HEG1: variants seen among roughly 807,000 people sequenced by gnomAD.
HEG1 encodes protein HEG homolog 1.
Under a neutral mutation model 125.6 loss-of-function variants are expected in HEG1, and 56 were observed. The ratio of observed to expected loss-of-function variants is 0.45; its 90% CI spans 0.36 to 0.56. The LOEUF is 0.56. HEG1 is among the 20% of genes least tolerant of loss of function. HEG1 has a pLI of 0.00. For synonymous variants in HEG1, 644 were observed against 668.5 expected (o/e 0.96, Z 0.57); for missense variants, 1,523 against 1,670.0 (o/e 0.91, Z 1.53).
chr3:125,005,819 A>C (rs1198913601), intron 8 of HEG1, among the ~76,000 whole-genome samples: 1 of 152,212 alleles, frequency 6.6e-6, no homozygotes. Context: ...GACAGAGGAA[A>C]GCTCTCGTCC....
intron 14 of HEG1, among the ~76,000 whole-genome samples, chr3:124,988,229 T>C (rs889027832): frequency 6.6e-6 from 1 of 151,804 alleles, no homozygotes; most frequent in African/African-American, 2.4e-5. Context: ...CTTTAAGGCA[T>C]AGATATCCTC....
rs77474845 is a variant in HEG1, at chr3:125,039,467, C to A, written c.317-9979G>T. On this transcript the variant is annotated intron_variant, in intron 1 of 16. Coordinates refer to ENST00000311127, the MANE Select transcript of HEG1 (RefSeq NM_020733.2). ...TCCTGGAGGGTCCACCCCACCCCCACACCTCAGCCTCAACCCCCGCAGCGG... is the reference window on the plus strand; with the variant it reads ...TCCTGGAGGGTCCACCCCACCCCCAAACCTCAGCCTCAACCCCCGCAGCGG... Among the ~76,000 whole-genome samples the A allele has an allele frequency of 3.2e-3, 480 of 152,208 alleles. 2 individuals are homozygous for A. Among genetic ancestry groups the A allele is most frequent in the African/African-American group, 0.011 (446 of 41,514 alleles).
intron 1 of HEG1, among the ~76,000 whole-genome samples, chr3:125,048,621 C>T (rs1366049603): frequency 6.6e-6 from 1 of 152,222 alleles, no homozygotes; most frequent in Non-Finnish European, 1.5e-5. Flanking sequence ...CAGTCAGATC[C>T]TGCAGGCCTC....
chr3:124,982,019 C>T (rs1169401317), intron 14 of HEG1, among the ~76,000 whole-genome samples: 2 of 152,100 alleles, frequency 1.3e-5, no homozygotes, highest in Non-Finnish European at 2.9e-5. Flanking sequence ...TCTCCTTCCT[C>T]AGCCAGCTGA....
intron 5 of HEG1, among the ~76,000 whole-genome samples, chr3:125,014,401 T>C (rs1937210283): frequency 1.3e-5 from 2 of 152,204 alleles, no homozygotes; most frequent in Non-Finnish European, 2.9e-5. Flanking sequence ...TCTTCCCAAC[T>C]TTCCATTCTA....
intron 1 of HEG1, among the ~76,000 whole-genome samples, chr3:125,054,380 G>T (rs1937880254): frequency 6.6e-6 from 1 of 152,178 alleles, no homozygotes; most frequent in African/African-American, 2.4e-5. Flanking sequence ...GAATACTGTT[G>T]AATATGAAAT....
At chr3:125,045,422 A>G (rs568621912) in intron 1 of HEG1, among the ~76,000 whole-genome samples, 5 of 152,262 alleles carry the variant, frequency 3.3e-5, no homozygotes, top group Non-Finnish European at 4.4e-5. Context: ...TTCTCTCGCA[A>G]TCCTAGGTCT....
chr3:125,054,617 C>G (rs967510444), intron 1 of HEG1, among the ~76,000 whole-genome samples: 2 of 152,184 alleles, frequency 1.3e-5, no homozygotes, highest in Non-Finnish European at 2.9e-5. Context: ...TTGAATAGCC[C>G]GGACAGAGCA....
intron 14 of HEG1, among the ~76,000 whole-genome samples, chr3:124,984,284 T>C (rs1340477677): frequency 6.6e-6 from 1 of 152,092 alleles, no homozygotes; most frequent in African/African-American, 2.4e-5. Context: ...CTGGCTACAC[T>C]GGGAGGCTGT....
intron 5 of HEG1, among the ~76,000 whole-genome samples, 185 bp from the exon 6 acceptor site, chr3:125,014,175 G>T (rs1937207599): frequency 6.6e-6 from 1 of 152,168 alleles, no homozygotes; most frequent in African/African-American, 2.4e-5. Flanking sequence ...GGCAGGAGTG[G>T]TCAGTGTCTC....
chr3:125,015,001 T>C (rs1408710189), intron 5 of HEG1: 9 of 1,248,232 alleles, frequency 7.2e-6, no homozygotes, highest in South Asian at 2.7e-5. Context: ...GGCTCTCGGC[T>C]GTCTTCCAAG....
chr3:124,979,081 C>G (rs1280255212), intron 14 of HEG1, among the ~76,000 whole-genome samples: 1 of 151,924 alleles, frequency 6.6e-6, no homozygotes, highest in Non-Finnish European at 1.5e-5. Context: ...TCCTGAGTAG[C>G]TGGGATTACA....
Position 124,998,131 on chromosome 3 carries a change from G to A in HEG1, c.3518-308C>T, listed in dbSNP as rs760831020. On this transcript the variant is annotated intron_variant, in intron 11 of 16. Transcript: ENST00000311127. ...TAAACAGGCCCTGTTCACTCCTCTG[G>A]TGCTCACTGCAAATACAGCCCTTAA... is the stretch of plus-strand genomic sequence containing the variant. Among the ~76,000 whole-genome samples, 101 of 152,112 alleles carry A rather than the reference G, an allele frequency of 6.6e-4. 1 individual carries two copies. The highest frequency in any genetic ancestry group is 1.3e-3 in the Admixed American group (20 of 15,274).
intron 8 of HEG1, among the ~76,000 whole-genome samples, chr3:125,006,539 A>T (rs755559519): frequency 8.5e-5 from 13 of 152,256 alleles, no homozygotes; most frequent in Admixed American, 3.3e-4. Flanking sequence ...CAGGGAAAAC[A>T]TTTAACATCT....
intron 14 of HEG1, 57 bp downstream of exon 14, chr3:124,990,730 A>C: frequency 6.7e-7 from 1 of 1,500,236 alleles, no homozygotes; most frequent in Non-Finnish European, 9.1e-7. Flanking sequence ...ACACCTGTGC[A>C]CTAACAACAG....
intron 14 of HEG1, among the ~76,000 whole-genome samples, chr3:124,988,538 GT>G (rs1425155491): frequency 6.6e-6 from 1 of 152,158 alleles, no homozygotes; most frequent in Non-Finnish European, 1.5e-5. Flanking sequence ...TGCTCACATG[GT>G]TCTATGGCCC....
chr3:124,997,250 T>C (rs899105761), intron 12 of HEG1, among the ~76,000 whole-genome samples: 1 of 152,172 alleles, frequency 6.6e-6, no homozygotes, highest in African/African-American at 2.4e-5. Flanking sequence ...TTGCCCAAGG[T>C]GATACATGAT....
At chr3:125,046,852 C>A (rs1268609885) in intron 1 of HEG1, among the ~76,000 whole-genome samples, 2 of 152,194 alleles carry the variant, frequency 1.3e-5, no homozygotes, top group Non-Finnish European at 2.9e-5. Context: ...TTGATAACCC[C>A]CAAAGGTTCT....
chr3:125,022,589 C>T (rs922452979), intron 3 of HEG1, among the ~76,000 whole-genome samples: 2 of 151,788 alleles, frequency 1.3e-5, no homozygotes, highest in African/African-American at 4.8e-5. Flanking sequence ...ACAGAAAGAC[C>T]TGGACACAAA....
Sources: allele counts gnomAD v4.1 joint callset (sites outside exome capture counted in the v4.1 genomes callset), GRCh38; gene constraint gnomAD v4.1.1; transcripts MANE v1.5; gene names NCBI Gene and HGNC (gene_info 2026-07-23, HGNC 2026-07-21).